The following COPA variants were observed in gnomAD, a reference collection of about 807,000 sequenced individuals.
COPA encodes coat protein complex I subunit alpha.
Under a neutral mutation model 158.7 loss-of-function variants are expected in COPA, and 10 were observed. The ratio of observed to expected loss-of-function variants is 0.06; its 90% confidence interval spans 0.04 to 0.11. The LOEUF is 0.11. Among genes scored for constraint, COPA ranks in the 10% least tolerant of loss-of-function variants. COPA has a pLI of 1.00. For synonymous variants in COPA, 462 were observed against 542.8 expected, an observed-to-expected ratio of 0.85 and a Z score of 2.07; for missense variants, 1,065 against 1,536.7, an observed-to-expected ratio of 0.69 and a Z score of 5.13.
At chr1:160,337,353 A>G (rs1008025867) in intron 3 of COPA, among the ~76,000 whole-genome samples, 1 of 152,238 alleles carries the variant, frequency 6.6e-6, no homozygotes, top group Non-Finnish European at 1.5e-5. Flanking sequence ...GTCCACAGAC[A>G]TGACTTTTCT....
In COPA at chr1:160,343,137, C is replaced by T. The variant is rs201864262; in HGVS notation, c.34G>A (p.Val12Ile). Residue 12 changes from valine (V) to isoleucine (I), a missense_variant, in exon 1 of 33, where the codon GTC becomes ATC. Val to Ile is a conservative substitution (Grantham distance 29, BLOSUM62 3). Coordinates refer to ENST00000241704, the MANE Select transcript of COPA (RefSeq NM_004371.4). ...LTKFETKSAR[V>I]KGLSFHPKRP... Reference sequence around the variant, plus strand: ...CCCTTTTATTCTCCACTACCTTTGACCCGCGCGCTCTTGGTCTCGAATTTG... The same window carrying T: ...CCCTTTTATTCTCCACTACCTTTGATCCGCGCGCTCTTGGTCTCGAATTTG... The T allele has an allele frequency of 4.8e-5, 78 of 1,614,062 alleles. No individual in the cohort carries two copies. The highest frequency in any genetic ancestry group is 1.3e-5 in the African/African-American group (1 of 74,924).
At chr1:160,332,369 C>A in intron 6 of COPA, 79 bp downstream of exon 6, 2 of 870,612 alleles carry the variant, frequency 2.3e-6, no homozygotes, top group South Asian at 1.8e-5. Flanking sequence ...AGTTCTAAGT[C>A]AACTCTCCTC....
At chr1:160,301,339 ATTTTTGG>A (rs144818862) in intron 17 of COPA, among the ~76,000 whole-genome samples, 2,116 of 152,312 alleles carry the variant, frequency 0.014, 46 homozygotes, top group African/African-American at 0.042. Context: ...TGGATTTCAG[ATTTTTGG>A]ATGTGGGATG....
intron 25 of COPA, among the ~76,000 whole-genome samples, chr1:160,293,899 T>C (rs1485476391): frequency 6.6e-6 from 1 of 152,188 alleles, no homozygotes; most frequent in African/African-American, 2.4e-5. Flanking sequence ...GGGGTGATAG[T>C]TGTGGGAGAA....
At chr1:160,327,177 T>C (rs1222792641) in intron 6 of COPA, among the ~76,000 whole-genome samples, 4 of 152,234 alleles carry the variant, frequency 2.6e-5, no homozygotes, top group Admixed American at 2.6e-4. Context: ...TGAAATTACC[T>C]AGCACTTGTA....
At chr1:160,317,642 G>T in intron 8 of COPA, 1 of 1,529,320 alleles carries the variant, frequency 6.5e-7, no homozygotes, top group African/African-American at 1.4e-5. Flanking sequence ...AAAGAACTGG[G>T]AATGGAGGAA....
chr1:160,323,415 T>G lies in COPA; in HGVS notation c.706+16A>C. 1 of 1,585,926 alleles carries G rather than the reference T, an allele frequency of 6.3e-7. No homozygotes were observed. ...CAGTTTCTTAGATATGGCGATAATG[T>G]AACCGGTTCACTCACCATTCATGCG... On this transcript the variant is annotated intron_variant, in intron 8 of 32. Transcript: ENST00000241704.
chr1:160,301,215 T>C (rs1041735593), intron 17 of COPA, among the ~76,000 whole-genome samples: 7 of 152,056 alleles, frequency 4.6e-5, no homozygotes, highest in East Asian at 1.9e-4. Flanking sequence ...AGGAGAAAAA[T>C]TGTATGACTA....
intron 8 of COPA, chr1:160,317,565 G>A (rs1659188656): frequency 6.2e-7 from 1 of 1,602,846 alleles, no homozygotes; most frequent in African/African-American, 1.3e-5. Flanking sequence ...GTCAAAGACA[G>A]GGCGTTCCAA....
intron 31 of COPA, among the ~76,000 whole-genome samples, chr1:160,290,910 C>G (rs997314088): frequency 6.6e-6 from 1 of 152,172 alleles, no homozygotes; most frequent in African/African-American, 2.4e-5. Context: ...TAATCTAGAC[C>G]CACATTCCTC....
chr1:160,340,090 C>T, intron 2 of COPA, 91 bp downstream of exon 2: 1 of 1,486,094 alleles, frequency 6.7e-7, no homozygotes, highest in Admixed American at 1.7e-5. Context: ...ATTCTTTAAT[C>T]ATAGAGGAAT....
At chr1:160,334,567 C>T (rs1647673293) in intron 4 of COPA, among the ~76,000 whole-genome samples, 1 of 152,112 alleles carries the variant, frequency 6.6e-6, no homozygotes, top group Non-Finnish European at 1.5e-5. Flanking sequence ...AATATATACT[C>T]AACCAGTAAA....
In COPA at chr1:160,290,070, C is replaced by T; in HGVS notation, c.*87G>A. 8.4e-7 allele frequency: 1 copy of T among 1,183,944 alleles called. No homozygotes were observed. Among genetic ancestry groups the T allele is most frequent in the Non-Finnish European group, 1.2e-6 (1 of 800,850 alleles). 73.3% of individuals were successfully genotyped at this position (1,183,944 alleles called of 1,614,324 possible). ...GAGAGCCAGATCTGAAGAGTAGCTGCAGGGGGAAGGTGCTGTTAGAAGGAG... is the reference window on the plus strand; with the variant it reads ...GAGAGCCAGATCTGAAGAGTAGCTGTAGGGGGAAGGTGCTGTTAGAAGGAG... On this transcript the variant is annotated 3_prime_UTR_variant, in exon 33 of 33. Transcript: ENST00000241704.
At chr1:160,291,972 G>A in intron 29 of COPA, 40 bp downstream of exon 29, 1 of 1,614,134 alleles carries the variant, frequency 6.2e-7, no homozygotes, top group East Asian at 2.2e-5. Flanking sequence ...ACAAGAATGT[G>A]GAAGTGCCCA....
chr1:160,311,000 C>A (rs367820211), intron 11 of COPA, among the ~76,000 whole-genome samples: 1 of 152,198 alleles, frequency 6.6e-6, no homozygotes, highest in Non-Finnish European at 1.5e-5. Context: ...TTTCCATCCA[C>A]AAGGTCACTA....
intron 17 of COPA, among the ~76,000 whole-genome samples, chr1:160,299,936 G>A (rs2101830304): frequency 6.6e-6 from 1 of 152,198 alleles, no homozygotes; most frequent in South Asian, 2.1e-4. Context: ...AGCAAAACTT[G>A]AATAAAATTG....
chr1:160,319,487 A>C (rs953206143), intron 8 of COPA, among the ~76,000 whole-genome samples: 3 of 150,182 alleles, frequency 2.0e-5, no homozygotes, highest in African/African-American at 4.9e-5. Flanking sequence ...TCCATACAGT[A>C]AATCAACAAA....
rs1472716261 is a variant in COPA at position 160,307,262 on chromosome 1, C to G, written c.1220-17G>C. 6.2e-7 allele frequency: 1 copy of G among 1,613,384 alleles called. No homozygotes were observed. Among genetic ancestry groups the G allele is most frequent in the African/African-American group, 1.3e-5 (1 of 74,928 alleles). On this transcript the variant is annotated splice_polypyrimidine_tract_variant and intron_variant, in intron 13 of 32. Transcript: ENST00000241704. ...CTTCAGGCGCTGAGAAGAACAAAAC[C>G]AAAGGGTGGGAGCATGTGGTGAGTC...
intron 6 of COPA, among the ~76,000 whole-genome samples, chr1:160,325,899 G>A (rs1170584943): frequency 6.6e-6 from 1 of 152,160 alleles, no homozygotes; most frequent in Non-Finnish European, 1.5e-5. Context: ...TTCTAGAGGA[G>A]GGTAACCCAA....
Sources: gnomAD v4.1 joint callset for allele counts (sites outside exome capture counted in the v4.1 genomes callset) on GRCh38, gnomAD v4.1.1 for gene constraint, MANE v1.5 for transcripts, NCBI Gene and HGNC (gene_info 2026-07-23, HGNC 2026-07-21) for gene names.